CNTROB: variants seen among roughly 807,000 people sequenced by gnomAD.
The protein encoded by CNTROB is centrobin.
A neutral mutation model predicts 115.7 loss-of-function variants in CNTROB; 82 were observed. The observed-to-expected ratio is 0.71, with a 90% CI of 0.59 to 0.85. The LOEUF (loss-of-function observed/expected upper bound fraction) is 0.85, where lower values mean the gene tolerates loss of function less well. Ranked by LOEUF, CNTROB falls within the 40% of genes least tolerant of loss-of-function variation. The pLI, the probability that CNTROB is intolerant of heterozygous loss-of-function variation, is 0.00. For synonymous variants in CNTROB, 439 were observed against 456.4 expected, an observed-to-expected ratio of 0.96 and a Z score of 0.49; for missense variants, 1,014 against 1,144.4, an observed-to-expected ratio of 0.89 and a Z score of 1.64.
intron 14 of CNTROB, 49 bp from the exon 15 acceptor site, chr17:7,947,866 GT>G: frequency 1.2e-6 from 2 of 1,608,780 alleles, no homozygotes; most frequent in South Asian, 2.2e-5. Context: ...ATCCCTGGGC[GT>G]TTTTCTCTAT....
At chr17:7,942,963 G>A (rs910225519) in intron 9 of CNTROB, among the ~76,000 whole-genome samples, 7 of 150,538 alleles carry the variant, frequency 4.6e-5, no homozygotes, top group Non-Finnish European at 7.4e-5. Context: ...CAACACGCCC[G>A]GCTAATTTTT....
upstream of CNTROB, chr17:7,932,084 C>G: frequency 1.8e-6 from 1 of 540,930 alleles, no homozygotes; most frequent in Non-Finnish European, 3.3e-6. Flanking sequence ...CTCAGCCAAT[C>G]TGTGGCCACC....
At chr17:7,942,229 T>A (rs1291439382) in intron 9 of CNTROB, among the ~76,000 whole-genome samples, 1 of 152,178 alleles carries the variant, frequency 6.6e-6, no homozygotes, top group Non-Finnish European at 1.5e-5. Context: ...ATCACACCAC[T>A]GCACTTTAGG....
Position 7,939,518 on chromosome 17 carries a change from G to C in CNTROB, c.933G>C (p.Glu311Asp), listed in dbSNP as rs374479317. 1.9e-6 allele frequency: 3 copies of C among 1,613,960 alleles called. No individual in the cohort carries two copies. The highest frequency in any genetic ancestry group is 1.7e-5 in the Admixed American group (1 of 60,014). The change falls in exon 8 of 19, where the codon GAG (glutamate) becomes GAC (aspartate). Residue 311 changes from glutamate (E) to aspartate (D), a missense_variant. Coordinates refer to ENST00000563694, the MANE Select transcript of CNTROB (RefSeq NM_053051.5). The surrounding 1 kb of genome is among the most constrained non-coding windows in gnomAD (Gnocchi z 4.4). ...GTTTTCTTCTGCGGCTGTAGGAGGA[G>C]GAAAGGCAAGCTCTGACTCTGAGGT... ...LQQRERETLE[E>D]ERQALTLRLE...
At chr17:7,936,869 T>C (rs747712837) in intron 6 of CNTROB, 52 bp downstream of exon 6, 5 of 847,378 alleles carry the variant, frequency 5.9e-6, no homozygotes, top group South Asian at 5.3e-5. Flanking sequence ...GATCTCAAGA[T>C]GGAAAGGGGC....
At position 7,944,762 on chromosome 17, in the gene CNTROB, C is replaced by G. The variant is rs140119271; in HGVS notation, c.1734+124C>G. Reference sequence around the variant, plus strand: ...GTGAGATCATAGCTCATTGCAGCCTCGAACTCCTGGGCTCAAGTGATCCTC... The same window carrying G: ...GTGAGATCATAGCTCATTGCAGCCTGGAACTCCTGGGCTCAAGTGATCCTC... On this transcript the variant is annotated intron_variant, in intron 12 of 18. Coordinates refer to ENST00000563694, the MANE Select transcript of CNTROB (RefSeq NM_053051.5). The surrounding 1 kb of genome is among the most constrained non-coding windows in gnomAD (Gnocchi z 4.0). 6.7e-4 allele frequency: 791 copies of G among 1,173,116 alleles called. No homozygotes were observed. Among genetic ancestry groups the G allele is most frequent in the Non-Finnish European group, 8.6e-4 (737 of 858,406 alleles). The allele number at this position is 1,173,116 out of a possible 1,614,324, so 72.7% of individuals were successfully genotyped here.
At chr17:7,949,012 A>G in intron 17 of CNTROB, 73 bp from the exon 18 acceptor site, 1 of 1,611,592 alleles carries the variant, frequency 6.2e-7, no homozygotes, top group Non-Finnish European at 8.5e-7. Context: ...ATTGGGGAGT[A>G]GTTCTTCCAT....
At position 7,937,643 on chromosome 17, in the gene CNTROB, A is replaced by C. The variant is rs148185028; in HGVS notation, c.927+381A>C. ...ATGGTGAAACCCCGTCTCTACTAAA[A>C]ATACAAAAAACTAGCTGGACATGGT... is the stretch of plus-strand genomic sequence containing the variant. On this transcript the variant is annotated intron_variant, in intron 7 of 18. Transcript: ENST00000563694. Among the ~76,000 whole-genome samples the C allele has an allele frequency of 4.5e-3, 690 of 152,168 alleles. 6 individuals carry two copies. Among genetic ancestry groups the C allele is most frequent in the South Asian group, 9.6e-3 (46 of 4,812 alleles).
chr17:7,938,001 GTTTTTT>G (rs368082295), intron 7 of CNTROB, among the ~76,000 whole-genome samples: 3 of 104,310 alleles, frequency 2.9e-5, no homozygotes, highest in Non-Finnish European at 5.4e-5. Flanking sequence ...TTCTTTTCGT[GTTTTTT>G]TTTTTTTTTT....
chr17:7,940,034 A>G, intron 8 of CNTROB, 62 bp from the exon 9 acceptor site: 2 of 1,498,848 alleles, frequency 1.3e-6, no homozygotes, highest in Non-Finnish European at 1.8e-6. Context: ...TGAACTGGGG[A>G]GTGTAGGTAA....
In CNTROB at chr17:7,943,297, G is replaced by A; in HGVS notation, c.1312-94G>A. 1.1e-6 allele frequency: 1 copy of A among 873,360 alleles called. No individual in the cohort carries two copies. The highest frequency in any genetic ancestry group is 2.7e-5 in the East Asian group (1 of 37,292). 54.1% of individuals were successfully genotyped at this position (873,360 alleles called of 1,614,324 possible). On this transcript the variant is annotated intron_variant, in intron 9 of 18. Transcript: ENST00000563694. This position sits in a 1 kb window ranked among gnomAD's most constrained non-coding sequence, Gnocchi z 4.7. Reference sequence around the variant, plus strand: ...TCTTGTTCTTCATCTCATATGAGGGGAAAGTTGGTACTGGATTTTGTCTAC... The same window carrying A: ...TCTTGTTCTTCATCTCATATGAGGGAAAAGTTGGTACTGGATTTTGTCTAC...
In CNTROB at chr17:7,944,721, A is replaced by G. The variant is rs552602588; in HGVS notation, c.1734+83A>G. 5.9e-5 allele frequency: 89 copies of G among 1,497,556 alleles called. No individual in the cohort carries two copies. In the South Asian group the frequency reaches 1.1e-3, roughly 18 times the overall value. The allele number at this position is 1,497,556 out of a possible 1,614,324, so 92.8% of individuals were successfully genotyped here. On this transcript the variant is annotated intron_variant, in intron 12 of 18. Transcript: ENST00000563694. The surrounding 1 kb of genome is among the most constrained non-coding windows in gnomAD (Gnocchi z 4.0). ...TTGAGACAGGGTCTCACTCTTGCCCAGGCTGGAGTGTACTGGTGAGATCAT... is the reference window on the plus strand; with the variant it reads ...TTGAGACAGGGTCTCACTCTTGCCCGGGCTGGAGTGTACTGGTGAGATCAT...
At chr17:7,947,768 C>T (rs761862846) in intron 14 of CNTROB, 46 bp downstream of exon 14, 2 of 1,600,118 alleles carry the variant, frequency 1.2e-6, no homozygotes, top group Admixed American at 3.4e-5. Flanking sequence ...TCTTCCCTTT[C>T]TCCTTTCCTC....
intron 14 of CNTROB, 57 bp from the exon 15 acceptor site, chr17:7,947,859 C>A: frequency 6.2e-7 from 1 of 1,608,608 alleles, no homozygotes; most frequent in East Asian, 2.2e-5. Context: ...CTCTCAGATC[C>A]CTGGGCGTTT....
In CNTROB at chr17:7,944,929, G is replaced by A. The variant is rs748236588; in HGVS notation, c.1734+291G>A. ...TCAGCTCCTAAGGCCTACATCAGGG[G>A]AGAAAAATCGGTGGACTTTACAAAT... is the stretch of plus-strand genomic sequence containing the variant. On this transcript the variant is annotated intron_variant, in intron 12 of 18. Coordinates refer to ENST00000563694, the MANE Select transcript of CNTROB (RefSeq NM_053051.5). The surrounding 1 kb of genome is among the most constrained non-coding windows in gnomAD (Gnocchi z 4.0). Among the ~76,000 whole-genome samples, 1 of 152,132 alleles carries A rather than the reference G, an allele frequency of 6.6e-6. No individual in the cohort carries two copies. The highest frequency in any genetic ancestry group is 1.5e-5 in the Non-Finnish European group (1 of 68,030).
intron 5 of CNTROB, 83 bp from the exon 6 acceptor site, chr17:7,936,618 A>G: frequency 1.2e-6 from 1 of 802,090 alleles, no homozygotes. Flanking sequence ...CTGTTGGGAG[A>G]AGATGGCTGT....
At chr17:7,938,842 A>G (rs868078513) in intron 7 of CNTROB, among the ~76,000 whole-genome samples, 2 of 152,132 alleles carry the variant, frequency 1.3e-5, no homozygotes, top group Non-Finnish European at 2.9e-5. Context: ...TCAGTGGCAC[A>G]ATCTTGGCTC....
In CNTROB at chr17:7,948,322, A is replaced by T; in HGVS notation, c.2375A>T (p.Glu792Val). The change falls in exon 16 of 19, where the codon GAG (glutamate) becomes GTG (valine). Residue 792 changes from glutamate (E) to valine (V), a missense_variant. Transcript: ENST00000563694. The surrounding 1 kb of genome is among the most constrained non-coding windows in gnomAD (Gnocchi z 4.4). ...AGTGGTCCCAGCAGTGGTTCCCCAG[A>T]GAGAGGTGAGCATGTTCTGGTTTAT... is the stretch of plus-strand genomic sequence containing the variant. ...QGSGPSSGSP[E>V]RGGDGLTFPR... is the part of the protein sequence containing the mutation. The T allele has an allele frequency of 6.2e-7, 1 of 1,614,022 alleles. No individual in the cohort carries two copies. The highest frequency in any genetic ancestry group is 8.5e-7 in the Non-Finnish European group (1 of 1,179,970).
At chr17:7,940,056 G>A (rs777096755) in intron 8 of CNTROB, 40 bp from the exon 9 acceptor site, 1 of 1,537,190 alleles carries the variant, frequency 6.5e-7, no homozygotes, top group Non-Finnish European at 8.7e-7. Context: ...CAGGAGATAA[G>A]AAATGAGGTA....
Sources: allele counts gnomAD v4.1 joint callset (sites outside exome capture counted in the v4.1 genomes callset), GRCh38; gene constraint gnomAD v4.1.1; non-coding constraint Gnocchi (gnomAD v3.1); transcripts MANE v1.5; gene names NCBI Gene and HGNC (gene_info 2026-07-23, HGNC 2026-07-21).